Variants in SEMA5B observed in about 807,000 individuals in gnomAD.
The protein encoded by SEMA5B is semaphorin 5B.
A neutral mutation model predicts 135.0 loss-of-function variants in SEMA5B; 66 were observed. The ratio of observed to expected loss-of-function variants is 0.49; its 90% CI spans 0.40 to 0.60. The LOEUF (loss-of-function observed/expected upper bound fraction) is 0.60. Ranked by LOEUF, SEMA5B falls within the 20% of genes least tolerant of loss-of-function variation. The pLI is 0.00. For synonymous variants in SEMA5B, 690 were observed against 639.5 expected (o/e 1.08, Z -1.19); for missense variants, 1,501 against 1,566.3 (o/e 0.96, Z 0.70).
At chr3:123,018,862 T>C (rs1046699704) in intron 1 of SEMA5B, among the ~76,000 whole-genome samples, 19 of 152,162 alleles carry the variant, frequency 1.2e-4, no homozygotes, top group African/African-American at 4.1e-4. Flanking sequence ...GAAGCTGTAA[T>C]AGGAATACGT....
intron 2 of SEMA5B, among the ~76,000 whole-genome samples, chr3:122,952,301 C>T (rs2107568268): frequency 6.6e-6 from 1 of 152,246 alleles, no homozygotes; most frequent in Non-Finnish European, 1.5e-5. Flanking sequence ...CCTTGGAGCC[C>T]ACCAACCCCT....
chr3:123,003,882 G>A (rs1226249374), intron 1 of SEMA5B, among the ~76,000 whole-genome samples: 5 of 152,058 alleles, frequency 3.3e-5, no homozygotes, highest in African/African-American at 1.2e-4. Flanking sequence ...GAAAGTTCTT[G>A]AAGTTTTAAT....
intron 20 of SEMA5B, 33 bp downstream of exon 20, chr3:122,911,887 G>C (rs1053258248): frequency 3.8e-6 from 6 of 1,568,126 alleles, no homozygotes; most frequent in Non-Finnish European, 4.3e-6. Flanking sequence ...GGCTGGGAAG[G>C]GTTGCTGCGC....
chr3:122,978,139 G>A (rs1050592090), intron 1 of SEMA5B, among the ~76,000 whole-genome samples: 2 of 152,342 alleles, frequency 1.3e-5, no homozygotes, highest in African/African-American at 2.4e-5. Flanking sequence ...TATAGGCAGA[G>A]GGCAACTCCA....
chr3:122,975,656 T>C (rs1941292386), intron 1 of SEMA5B, among the ~76,000 whole-genome samples: 1 of 152,214 alleles, frequency 6.6e-6, no homozygotes, highest in Admixed American at 6.5e-5. Flanking sequence ...TATTTTATCA[T>C]CATTATTAGT....
chr3:122,951,207 T>C (rs1280437365), intron 2 of SEMA5B, among the ~76,000 whole-genome samples: 1 of 152,046 alleles, frequency 6.6e-6, no homozygotes, highest in Non-Finnish European at 1.5e-5. Flanking sequence ...AAAAGCAAGA[T>C]GCAGAACAGC....
upstream of SEMA5B, chr3:123,028,362 G>T (rs945808617): frequency 2.6e-5 from 4 of 152,434 alleles, no homozygotes; most frequent in African/African-American, 4.8e-5. Context: ...CCGGATTAGG[G>T]TTAACCTTGC....
intron 3 of SEMA5B, among the ~76,000 whole-genome samples, chr3:122,947,452 T>C (rs1939837034): frequency 6.6e-6 from 1 of 152,040 alleles, no homozygotes; most frequent in Non-Finnish European, 1.5e-5. Flanking sequence ...CATTGGTTGA[T>C]TTTTCCAGCT....
chr3:122,965,701 T>C (rs1219631121), intron 1 of SEMA5B, among the ~76,000 whole-genome samples: 1 of 152,246 alleles, frequency 6.6e-6, no homozygotes, highest in African/African-American at 2.4e-5. Flanking sequence ...CCAAAAGCAT[T>C]CCTAAGTGAT....
chr3:122,968,717 C>T (rs1940982308), intron 1 of SEMA5B, among the ~76,000 whole-genome samples: 1 of 152,216 alleles, frequency 6.6e-6, no homozygotes, highest in African/African-American at 2.4e-5. Flanking sequence ...CTTCCTCCTT[C>T]AGTCCAGGGT....
chr3:123,015,857 C>A (rs766062806), intron 1 of SEMA5B, among the ~76,000 whole-genome samples: 2 of 152,186 alleles, frequency 1.3e-5, no homozygotes, highest in African/African-American at 4.8e-5. Context: ...ACATTCCCAG[C>A]CTGGCTTGAC....
intron 1 of SEMA5B, among the ~76,000 whole-genome samples, chr3:123,010,514 T>C (rs1942414220): frequency 6.6e-6 from 1 of 151,970 alleles, no homozygotes; most frequent in African/African-American, 2.4e-5. Flanking sequence ...AAGTGGTCCG[T>C]TAAAAAATGG....
In SEMA5B at chr3:122,913,394, G is replaced by A. The variant is rs1473571985; in HGVS notation, c.2311C>T (p.Pro771Ser). Residue 771 changes from proline to serine, a missense_variant, in exon 17 of 23, where the codon CCC (proline) becomes TCC (serine). Coordinates refer to ENST00000357599, the MANE Select transcript of SEMA5B (RefSeq NM_001031702.4). ...CAGGGGGTGTTGCGCCGCACTTCGG[G>A]GCAGCCCTCGGGGTTGCACGTCTTG... Reference protein sequence around the residue: ...EFKTCNPEGCPEVRRNTPWTP... With the variant: ...EFKTCNPEGCSEVRRNTPWTP... 1 of 1,576,810 alleles carries A rather than the reference G, an allele frequency of 6.3e-7. No individual in the cohort carries two copies. The highest frequency in any genetic ancestry group is 8.6e-7 in the Non-Finnish European group (1 of 1,166,092).
chr3:123,014,008 G>A (rs946757265), intron 1 of SEMA5B, among the ~76,000 whole-genome samples: 1 of 152,250 alleles, frequency 6.6e-6, no homozygotes, highest in Non-Finnish European at 1.5e-5. Flanking sequence ...GCTGGTGAGA[G>A]GCCTACAGAA....
intron 1 of SEMA5B, among the ~76,000 whole-genome samples, chr3:122,996,166 C>T (rs1942017176): frequency 6.6e-6 from 1 of 152,234 alleles, no homozygotes; most frequent in Non-Finnish European, 1.5e-5. Context: ...AGGGAGGGGG[C>T]AGCTCTTCTC....
intron 1 of SEMA5B, among the ~76,000 whole-genome samples, chr3:122,969,591 C>A (rs1941025179): frequency 1.3e-5 from 2 of 152,336 alleles, no homozygotes; most frequent in South Asian, 4.1e-4. Context: ...CAGCTCCACT[C>A]CCATTCTGCT....
At chr3:122,967,719 C>T (rs1019217399) in intron 1 of SEMA5B, among the ~76,000 whole-genome samples, 1 of 152,254 alleles carries the variant, frequency 6.6e-6, no homozygotes, top group African/African-American at 2.4e-5. Flanking sequence ...TACCCTGGTT[C>T]TTCTGGAGGA....
At position 122,939,278 on chromosome 3, in the gene SEMA5B, G is replaced by A. The variant is rs549126137; in HGVS notation, c.474+147C>T. The A allele has an allele frequency of 9.2e-4, 618 of 675,132 alleles. 8 individuals carry two copies. Among genetic ancestry groups the A allele is most frequent in the South Asian group, 6.6e-3 (373 of 56,664 alleles). The allele number at this position is 675,132 out of a possible 1,614,324, so 41.8% of individuals were successfully genotyped here. ...GCGGGCAGTGACTCTGATAGCTGGG[G>A]TCTGAGTCCATGGCCAGTGAAAAGA... On this transcript the variant is annotated intron_variant, in intron 5 of 22. Coordinates refer to ENST00000357599, the MANE Select transcript of SEMA5B (RefSeq NM_001031702.4).
rs891253635 is a variant in SEMA5B, at chr3:123,027,450, C to T, written c.-39+14G>A. 5 of 152,358 alleles carry T rather than the reference C, an allele frequency of 3.3e-5. No individual in the cohort carries two copies. Among genetic ancestry groups the T allele is most frequent in the Non-Finnish European group, 7.3e-5 (5 of 68,144 alleles). The allele number at this position is 152,358 out of a possible 1,614,324, so 9.4% of individuals were successfully genotyped here. On this transcript the variant is annotated intron_variant, in intron 1 of 22. Transcript: ENST00000357599. ...ACCCGCGCAGGGGAAGCGCCCGGGGCTCCCGGGACTCACCTCCCAGAGGCG... is the reference window on the plus strand; with the variant it reads ...ACCCGCGCAGGGGAAGCGCCCGGGGTTCCCGGGACTCACCTCCCAGAGGCG...
Sources: allele counts gnomAD v4.1 joint callset (sites outside exome capture counted in the v4.1 genomes callset), GRCh38; gene constraint gnomAD v4.1.1; transcripts MANE v1.5; gene names NCBI Gene and HGNC (gene_info 2026-07-23, HGNC 2026-07-21).